KIAA1958: variants seen among roughly 807,000 people sequenced by gnomAD.
The protein encoded by KIAA1958 is uncharacterized protein KIAA1958.
In KIAA1958, 14 loss-of-function variants were observed where a neutral mutation model predicts 47.2. The observed-to-expected ratio is 0.30, with a 90% CI of 0.20 to 0.46. The LOEUF (loss-of-function observed/expected upper bound fraction) is 0.46. Ranked by LOEUF, KIAA1958 falls within the 20% of genes least tolerant of loss-of-function variation. KIAA1958 has a pLI of 1.00. For synonymous variants in KIAA1958, 354 were observed against 353.3 expected (o/e 1.00, Z -0.02); for missense variants, 803 against 909.2 (o/e 0.88, Z 1.50).
At chr9:112,493,720 A>G (rs1190515308) in intron 1 of KIAA1958, among the ~76,000 whole-genome samples, 1 of 152,164 alleles carries the variant, frequency 6.6e-6, no homozygotes, top group Non-Finnish European at 1.5e-5. Flanking sequence ...GCTCATGTGA[A>G]ATGTATCCCT....
chr9:112,654,882 A>G (rs1356145242), intron 3 of KIAA1958, among the ~76,000 whole-genome samples: 1 of 152,174 alleles, frequency 6.6e-6, no homozygotes, highest in Non-Finnish European at 1.5e-5. Flanking sequence ...AGGTTATCAG[A>G]AAGCAATTGT....
intron 1 of KIAA1958, among the ~76,000 whole-genome samples, chr9:112,553,614 C>G (rs1344506116): frequency 1.3e-5 from 2 of 152,136 alleles, no homozygotes; most frequent in African/African-American, 2.4e-5. Context: ...TAGAATAGAG[C>G]TTGGAACAAC....
Position 112,533,580 on chromosome 9 carries a change from C to CAA in KIAA1958, c.-24-40453_-24-40452dup, listed in dbSNP as rs57032014. On this transcript the variant is annotated intron_variant, in intron 1 of 3. Coordinates refer to ENST00000337530, the MANE Select transcript of KIAA1958 (RefSeq NM_133465.4). ...TGGGCGACACAGCGAGACTCCATCCCAAAAAAAAAAAAAAAAAAAAAAAAA... is the reference window on the plus strand; with the variant it reads ...TGGGCGACACAGCGAGACTCCATCCCAAAAAAAAAAAAAAAAAAAAAAAAAAA... Among the ~76,000 whole-genome samples the CAA allele has an allele frequency of 2.6e-4, 33 of 125,372 alleles. No individual in the cohort carries two copies. In the East Asian group the frequency reaches 6.5e-3, roughly 25 times the overall value. The allele number at this position is 125,372 out of a possible 152,430, so 82.2% of individuals were successfully genotyped here. A position where few individuals can be genotyped will look rare whatever the true frequency, so the allele number is the denominator to read the frequency against.
At position 112,639,875 on chromosome 9, in the gene KIAA1958, GGGAAGAAGA is replaced by G. The variant is rs1429619707; in HGVS notation, c.1172-5764_1172-5756del. On this transcript the variant is annotated intron_variant, in intron 2 of 3. Transcript: ENST00000337530. ...AAAAGTGCATAGTTCAGGAAAAAAA[GGGAAGAAGA>G]GGAAGAAGAGAAAAAGGAAAGAATT... Among the ~76,000 whole-genome samples, 5 of 152,156 alleles carry G rather than the reference GGGAAGAAGA, an allele frequency of 3.3e-5. No individual in the cohort carries two copies. In the East Asian group the frequency reaches 7.7e-4, roughly 23 times the overall value.
chr9:112,593,722 A>C (rs562050116), intron 2 of KIAA1958, among the ~76,000 whole-genome samples: 130 of 151,506 alleles, frequency 8.6e-4, no homozygotes, highest in African/African-American at 2.9e-3. Flanking sequence ...ATATTTGTAG[A>C]GTTAGTAAGT....
In KIAA1958 at chr9:112,551,486, A is replaced by G. The variant is rs141863810; in HGVS notation, c.-24-22571A>G. 1.3e-3 allele frequency among the ~76,000 whole-genome samples: 195 copies of G among 152,352 alleles called. 1 individual carries two copies. The highest frequency in any genetic ancestry group is 4.6e-3 in the African/African-American group (191 of 41,594). ...TAATGCTGATATAGCACAGGCTTTA[A>G]TTTGAAAACATAAACTGAAGATGGT... On this transcript the variant is annotated intron_variant, in intron 1 of 3. Coordinates refer to ENST00000337530, the MANE Select transcript of KIAA1958 (RefSeq NM_133465.4).
At chr9:112,611,899 G>A (rs1479460898) in intron 2 of KIAA1958, among the ~76,000 whole-genome samples, 1 of 151,818 alleles carries the variant, frequency 6.6e-6, no homozygotes, top group African/African-American at 2.4e-5. Flanking sequence ...CTAGTTAATG[G>A]AATAGAATTA....
chr9:112,638,303 A>AATT (rs1836840004), intron 2 of KIAA1958, among the ~76,000 whole-genome samples: 1 of 152,134 alleles, frequency 6.6e-6, no homozygotes, highest in Non-Finnish European at 1.5e-5. Flanking sequence ...CCAGAAATTG[A>AATT]GACCTCCCTG....
intron 1 of KIAA1958, among the ~76,000 whole-genome samples, chr9:112,552,439 A>G (rs538967580): frequency 1.3e-5 from 2 of 152,202 alleles, no homozygotes; most frequent in Non-Finnish European, 2.9e-5. Context: ...TGTGTTAACT[A>G]TAAATAGAAA....
At chr9:112,526,471 C>CCTGG (rs1256937494) in intron 1 of KIAA1958, among the ~76,000 whole-genome samples, 1 of 151,230 alleles carries the variant, frequency 6.6e-6, no homozygotes, top group East Asian at 1.9e-4. Context: ...GTCTCAAACC[C>CCTGG]CTGGCCTCAA....
intron 2 of KIAA1958, among the ~76,000 whole-genome samples, chr9:112,609,426 A>G (rs1302114174): frequency 1.3e-5 from 2 of 152,238 alleles, no homozygotes; most frequent in African/African-American, 4.8e-5. Flanking sequence ...GTTGCAGTAA[A>G]TATAGGAATT....
At chr9:112,628,998 G>A (rs1485790075) in intron 2 of KIAA1958, among the ~76,000 whole-genome samples, 3 of 152,136 alleles carry the variant, frequency 2.0e-5, no homozygotes, top group Non-Finnish European at 2.9e-5. Flanking sequence ...GATTGACTAT[G>A]TATGACTTAT....
At chr9:112,594,691 G>A (rs570159526) in intron 2 of KIAA1958, among the ~76,000 whole-genome samples, 8 of 152,202 alleles carry the variant, frequency 5.3e-5, no homozygotes, top group Non-Finnish European at 1.2e-4. Context: ...GCTATGAATA[G>A]TCATATACAG....
chr9:112,616,337 G>A (rs73543148), intron 2 of KIAA1958, among the ~76,000 whole-genome samples: 67 of 152,286 alleles, frequency 4.4e-4, no homozygotes, highest in African/African-American at 1.6e-3. Context: ...ATAAAGTTAT[G>A]TGGATTTTGG....
intron 3 of KIAA1958, among the ~76,000 whole-genome samples, chr9:112,652,628 T>G (rs1460617290): frequency 1.3e-5 from 2 of 152,152 alleles, no homozygotes; most frequent in Non-Finnish European, 2.9e-5. Flanking sequence ...TTTGTTTTTG[T>G]TTTTGTCTTT....
Position 112,574,145 on chromosome 9 carries a change from A to G in KIAA1958, c.65A>G (p.His22Arg), listed in dbSNP as rs1835588341. ...LSKLVSWAHS[H>R]GTICSLIPNL... ...AAATTGGTCAGCTGGGCCCATAGCC[A>G]TGGGACTATTTGCAGCCTCATTCCA... The change falls in exon 2 of 4, where the codon CAT (histidine) becomes CGT (arginine). Residue 22 changes from histidine (H) to arginine (R), a missense_variant. By Grantham distance (29) the His-to-Arg change is conservative (BLOSUM62 0). This residue lies in a region of KIAA1958 where 42 missense variants were observed against 79.9 expected (regional missense o/e 0.53). Transcript: ENST00000337530. 2 of 1,613,932 alleles carry G rather than the reference A, an allele frequency of 1.2e-6. No individual in the cohort carries two copies. The highest frequency in any genetic ancestry group is 1.7e-6 in the Non-Finnish European group (2 of 1,179,906).
chr9:112,528,186 C>T (rs1392996165), intron 1 of KIAA1958, among the ~76,000 whole-genome samples: 1 of 152,120 alleles, frequency 6.6e-6, no homozygotes, highest in African/African-American at 2.4e-5. Flanking sequence ...TTACCATATC[C>T]ACCTCATTGT....
chr9:112,645,805 C>T lies in KIAA1958; in HGVS notation c.1327C>T (p.His443Tyr). ...GTGCATGACCAACGGGCTCAAAGAC[C>T]ACACAGACATCACCAAGGTAAGGGA... Reference protein sequence around the residue: ...YWCMTNGLKDHTDITKIPAVK... With the variant: ...YWCMTNGLKDYTDITKIPAVK... The change falls in exon 3 of 4, where the codon CAC (histidine) becomes TAC (tyrosine). Residue 443 changes from histidine (H) to tyrosine (Y), a missense_variant. By Grantham distance (83) the His-to-Tyr change is moderately conservative. Coordinates refer to ENST00000337530, the MANE Select transcript of KIAA1958 (RefSeq NM_133465.4). 1 of 1,612,024 alleles carries T rather than the reference C, an allele frequency of 6.2e-7. No homozygotes were observed. Among genetic ancestry groups the T allele is most frequent in the Non-Finnish European group, 8.5e-7 (1 of 1,179,428 alleles).
intron 1 of KIAA1958, among the ~76,000 whole-genome samples, chr9:112,526,421 T>G (rs1366963853): frequency 6.6e-6 from 1 of 151,824 alleles, no homozygotes; most frequent in Non-Finnish European, 1.5e-5. Flanking sequence ...GCCCAGCTAA[T>G]TTTTGTATTT....
Sources: allele counts gnomAD v4.1 joint callset (sites outside exome capture counted in the v4.1 genomes callset), GRCh38; gene constraint gnomAD v4.1.1; regional missense constraint gnomAD v4.1.1; transcripts MANE v1.5; gene names NCBI Gene and HGNC (gene_info 2026-07-23, HGNC 2026-07-21).